The following USP37 variants were observed in gnomAD, a reference collection of about 807,000 sequenced individuals.
The protein encoded by USP37 is ubiquitin carboxyl-terminal hydrolase 37.
A neutral mutation model predicts 124.0 loss-of-function variants in USP37; 27 were observed. The ratio of observed to expected loss-of-function variants is 0.22; its 90% confidence interval spans 0.16 to 0.30. The LOEUF (loss-of-function observed/expected upper bound fraction) is 0.30, where lower values mean the gene tolerates loss of function less well. Among genes scored for constraint, USP37 ranks in the 10% least tolerant of loss-of-function variants. The pLI is 1.00. For synonymous variants in USP37, 365 were observed against 388.0 expected, an observed-to-expected ratio of 0.94 and a Z score of 0.70; for missense variants, 889 against 1,140.4, an observed-to-expected ratio of 0.78 and a Z score of 3.17.
At chr2:218,537,511 G>A (rs746470645) in intron 8 of USP37, among the ~76,000 whole-genome samples, 7 of 152,202 alleles carry the variant, frequency 4.6e-5, no homozygotes, top group African/African-American at 7.2e-5. Context: ...TAGAATCCAG[G>A]TACTATGAGC....
chr2:218,463,530 CT>C (rs778154896), intron 21 of USP37, among the ~76,000 whole-genome samples, 164 bp from the exon 22 acceptor site: 3,028 of 99,094 alleles, frequency 0.031, 30 homozygotes, highest in African/African-American at 0.1. Context: ...AAGTTCTTTA[CT>C]TTTTTTTTTT....
intron 23 of USP37, among the ~76,000 whole-genome samples, chr2:218,458,039 CAA>C (rs34696201): frequency 3.2e-4 from 29 of 90,154 alleles, no homozygotes; most frequent in East Asian, 1.5e-3. Flanking sequence ...GACTCTGTCT[CAA>C]AAAAAAAAAA....
chr2:218,556,494 G>GGTTTTT (rs1559229468), intron 4 of USP37, among the ~76,000 whole-genome samples: 1 of 135,564 alleles, frequency 7.4e-6, no homozygotes, highest in African/African-American at 2.9e-5. Context: ...GGTTACTCTG[G>GGTTTTT]GTTTTTCTGT....
At position 218,482,161 on chromosome 2, in the gene USP37, C is replaced by G; in HGVS notation, c.1744G>C (p.Val582Leu). 6.2e-7 allele frequency: 1 copy of G among 1,614,020 alleles called. No homozygotes were observed. Among genetic ancestry groups the G allele is most frequent in the Non-Finnish European group, 8.5e-7 (1 of 1,179,938 alleles). Residue 582 changes from valine to leucine, a missense_variant, in exon 17 of 26, where the codon GTC (valine) becomes CTC (leucine). Physicochemically the swap from Val to Leu is conservative, Grantham distance 32. This residue lies in a region of USP37 where 504 missense variants were observed against 714.3 expected (regional missense o/e 0.71). Transcript: ENST00000258399. ...LSLNNKIGQQ[V>L]IIPRYLTLSS... ...AGGGTCAGGTATCTTGGAATGATGA[C>G]TTGCTGCCCAATCTTATTGTTAAGC...
At chr2:218,528,661 T>A (rs971674102) in intron 10 of USP37, 1 of 422,092 alleles carries the variant, frequency 2.4e-6, no homozygotes, top group Non-Finnish European at 4.2e-6. Context: ...ATTTTCTTTA[T>A]CCTGTCTATC....
chr2:218,523,512 A>G (rs553159851), intron 10 of USP37, among the ~76,000 whole-genome samples: 1 of 152,328 alleles, frequency 6.6e-6, no homozygotes, highest in South Asian at 2.1e-4. Context: ...ATTTAGAAAC[A>G]CCATTAATTT....
chr2:218,515,035 C>T (rs1034340092), intron 10 of USP37, among the ~76,000 whole-genome samples: 5 of 152,110 alleles, frequency 3.3e-5, no homozygotes, highest in Admixed American at 6.6e-5. Flanking sequence ...TCTGGCACCA[C>T]AAGATGTTAT....
At chr2:218,468,666 G>A (rs1053517536) in intron 20 of USP37, among the ~76,000 whole-genome samples, 6 of 151,992 alleles carry the variant, frequency 3.9e-5, no homozygotes, top group Non-Finnish European at 7.4e-5. Flanking sequence ...GTTTGTATAC[G>A]CTCTTTACCT....
intron 8 of USP37, among the ~76,000 whole-genome samples, chr2:218,540,349 G>A (rs1468990508): frequency 2.0e-5 from 3 of 152,016 alleles, no homozygotes; most frequent in African/African-American, 7.3e-5. Flanking sequence ...TAAAACCTAT[G>A]AATTAGGGCC....
intron 8 of USP37, among the ~76,000 whole-genome samples, chr2:218,541,492 A>T (rs1387927276): frequency 1.3e-5 from 2 of 152,158 alleles, no homozygotes; most frequent in East Asian, 3.9e-4. Flanking sequence ...CAACAACCAC[A>T]GTCTGACAAG....
intron 5 of USP37, among the ~76,000 whole-genome samples, chr2:218,550,409 A>G (rs1261118325): frequency 6.8e-6 from 1 of 148,086 alleles, no homozygotes; most frequent in Non-Finnish European, 1.5e-5. Context: ...TTGTATAAAT[A>G]TAAATTTGCA....
intron 11 of USP37, 134 bp downstream of exon 11, chr2:218,509,845 A>G (rs951433917): frequency 2.4e-6 from 2 of 850,996 alleles, no homozygotes; most frequent in African/African-American, 3.5e-5. Context: ...GGATGTAATA[A>G]ATCTTTAATA....
At chr2:218,558,830 T>C (rs1360816459) in intron 3 of USP37, 153 bp from the exon 4 acceptor site, 2 of 490,276 alleles carry the variant, frequency 4.1e-6, no homozygotes, top group East Asian at 3.2e-5. Context: ...AGTACTGTAT[T>C]TATTAGTGCC....
At chr2:218,472,077 T>C (rs1242524935) in intron 20 of USP37, among the ~76,000 whole-genome samples, 3 of 151,050 alleles carry the variant, frequency 2.0e-5, no homozygotes, top group African/African-American at 7.3e-5. Context: ...GATGGCTAGA[T>C]ATCCTCTTTC....
intron 20 of USP37, among the ~76,000 whole-genome samples, chr2:218,470,608 CATCT>C (rs1416309528): frequency 6.6e-6 from 1 of 152,212 alleles, no homozygotes; most frequent in Non-Finnish European, 1.5e-5. Flanking sequence ...TCTCTAGTCT[CATCT>C]TTTGCATTTC....
At chr2:218,461,156 T>C (rs1156645727) in intron 22 of USP37, among the ~76,000 whole-genome samples, 4 of 152,198 alleles carry the variant, frequency 2.6e-5, no homozygotes, top group African/African-American at 9.6e-5. Flanking sequence ...TTATTTGCTT[T>C]AATATATAAT....
At chr2:218,539,054 G>C (rs1313092909) in intron 8 of USP37, among the ~76,000 whole-genome samples, 1 of 150,072 alleles carries the variant, frequency 6.7e-6, no homozygotes, top group African/African-American at 2.5e-5. Flanking sequence ...TGCAACCTCT[G>C]CCTCCCAGGC....
chr2:218,470,151 T>C (rs912308321), intron 20 of USP37, among the ~76,000 whole-genome samples: 2 of 152,174 alleles, frequency 1.3e-5, no homozygotes, highest in African/African-American at 4.8e-5. Context: ...GAATATACTG[T>C]TTGCTTCTTC....
chr2:218,526,821 C>T (rs1175242709), intron 10 of USP37, among the ~76,000 whole-genome samples: 2 of 104,418 alleles, frequency 1.9e-5, no homozygotes, highest in East Asian at 3.5e-4. Context: ...CGGAGTCTTG[C>T]TCTGTCGCCC....
Sources: allele counts gnomAD v4.1 joint callset (sites outside exome capture counted in the v4.1 genomes callset), GRCh38; gene constraint gnomAD v4.1.1; regional missense constraint gnomAD v4.1.1; transcripts MANE v1.5; gene names NCBI Gene and HGNC (gene_info 2026-07-23, HGNC 2026-07-21).